The following SRCAP variants were observed in gnomAD, a reference collection of about 807,000 sequenced individuals.
SRCAP encodes the protein chromatin remodeling protein SRCAP.
Under a neutral mutation model 263.1 loss-of-function variants are expected in SRCAP, and 46 were observed. The observed-to-expected ratio is 0.17, with a 90% confidence interval of 0.14 to 0.22. The LOEUF is 0.22. SRCAP is among the 10% of genes least tolerant of loss of function. The pLI is 1.00. For synonymous variants in SRCAP, 1,813 were observed against 1,662.1 expected, an observed-to-expected ratio of 1.09 and a Z score of -2.21; for missense variants, 3,695 against 4,181.9, an observed-to-expected ratio of 0.88 and a Z score of 3.21.
chr16:30,711,872 A>G lies in SRCAP; in HGVS notation c.1530A>G (p.Glu510=). Residue 510 remains glutamate, a synonymous_variant, in exon 12 of 34, where the codon GAA becomes GAG. Transcript: ENST00000262518. ...ACCGGAGTGAGGATGAGGAAGATGA[A>G]CATTCAGAGGAGGAAGAAACAAGTG... ...VEDRSEDEED[E]HSEEEETSGS... 6.2e-7 allele frequency: 1 copy of G among 1,613,860 alleles called. No homozygotes were observed. The highest frequency in any genetic ancestry group is 8.5e-7 in the Non-Finnish European group (1 of 1,180,008).
At chr16:30,707,008 TCC>T (rs36003625) in intron 4 of SRCAP, among the ~76,000 whole-genome samples, 173 bp from the exon 5 acceptor site, 1 of 152,320 alleles carries the variant, frequency 6.6e-6, no homozygotes, top group South Asian at 2.1e-4. Context: ...CTTCTTCATC[TCC>T]CTGATCTTTT....
chr16:30,703,301 C>T (rs1030373640), intron 3 of SRCAP, among the ~76,000 whole-genome samples: 4 of 151,392 alleles, frequency 2.6e-5, no homozygotes, highest in African/African-American at 9.7e-5. Flanking sequence ...TCAAGCGATT[C>T]TCGTGCCTCA....
At chr16:30,730,685 C>T (rs1205466432) in intron 27 of SRCAP, among the ~76,000 whole-genome samples, 1 of 151,490 alleles carries the variant, frequency 6.6e-6, no homozygotes, top group Admixed American at 6.6e-5. Flanking sequence ...CCACCTTGGC[C>T]TCCCAAAGTG....
At chr16:30,734,655 C>A (rs62057184) in intron 31 of SRCAP, 40 bp downstream of exon 31, 1 of 1,612,738 alleles carries the variant, frequency 6.2e-7, no homozygotes, top group Middle Eastern at 1.7e-4. Context: ...TGAGCTGATT[C>A]TTACAGAATA....
At chr16:30,734,168 C>A (rs1321970615) in intron 30 of SRCAP, 160 bp downstream of exon 30, 46 of 687,776 alleles carry the variant, frequency 6.7e-5, no homozygotes, top group Non-Finnish European at 8.9e-5. Flanking sequence ...CATGATGAAA[C>A]CCTGTCTCTA....
Position 30,734,003 on chromosome 16 carries a change from A to C in SRCAP, c.6604A>C (p.Lys2202Gln). 6.2e-7 allele frequency: 1 copy of C among 1,605,592 alleles called. No individual in the cohort carries two copies. The highest frequency in any genetic ancestry group is 2.2e-5 in the East Asian group (1 of 44,486). The change falls in exon 30 of 34, where the codon AAA becomes CAA. Residue 2202 changes from lysine to glutamine, a missense_variant. Physicochemically the swap from Lys to Gln is moderately conservative, Grantham distance 53 (BLOSUM62 1). Around this residue, in one of 12 missense-constraint regions of SRCAP, gnomAD observed 138 missense variants for 254.9 expected, o/e 0.54. Coordinates refer to ENST00000262518, the MANE Select transcript of SRCAP (RefSeq NM_006662.3). ...AGGCAACTTCACCACAGCCTATTTC[A>C]AACAGGTACTAAGTAAGATCTTTTA... ...EGGNFTTAYF[K>Q]QQTIRELFDM... is the part of the protein sequence containing the mutation.
chr16:30,735,425 C>T (rs1427976108), intron 31 of SRCAP, among the ~76,000 whole-genome samples: 3 of 151,478 alleles, frequency 2.0e-5, no homozygotes, highest in African/African-American at 4.9e-5. Flanking sequence ...GGATTACAGG[C>T]GTGAGCCACC....
chr16:30,735,339 G>C (rs2053150426), intron 31 of SRCAP, among the ~76,000 whole-genome samples: 1 of 150,490 alleles, frequency 6.6e-6, no homozygotes, highest in African/African-American at 2.4e-5. Flanking sequence ...GTAGAGACAG[G>C]GTTTCACCGT....
In SRCAP at chr16:30,738,058, C is replaced by T. The variant is rs775633415; in HGVS notation, c.8018C>T (p.Thr2673Ile). The T allele has an allele frequency of 2.2e-5, 35 of 1,614,038 alleles. No individual in the cohort carries two copies. Among genetic ancestry groups the T allele is most frequent in the South Asian group, 9.9e-5 (9 of 91,090 alleles). ...CAGGAGCCACTGGAGGCTGACAGGA[C>T]CTCGGAAGAGCTGACAGAGGCCAAG... ...PLQEPLEADR[T>I]SEELTEAKTP... The change falls in exon 34 of 34, where the codon ACC becomes ATC. Residue 2673 changes from threonine to isoleucine, a missense_variant. By Grantham distance (89) the Thr-to-Ile change is moderately conservative (BLOSUM62 -1). Around this residue, in one of 12 missense-constraint regions of SRCAP, gnomAD observed 1,207 missense variants for 1,142.9 expected, o/e 1.06. Transcript: ENST00000262518.
In SRCAP at chr16:30,733,558, G is replaced by A; in HGVS notation, c.6298-44G>A. ...CACTAAGCCTTTAGACCTGTTTTGG[G>A]GGATAAGTCTCCCAGTATCATCTTT... On this transcript the variant is annotated intron_variant, in intron 28 of 33. Transcript: ENST00000262518. This position sits in a 1 kb window ranked among gnomAD's most constrained non-coding sequence, Gnocchi z 5.3. 1.2e-6 allele frequency: 2 copies of A among 1,603,202 alleles called. No homozygotes were observed. Among genetic ancestry groups the A allele is most frequent in the Non-Finnish European group, 1.7e-6 (2 of 1,172,942 alleles).
intron 4 of SRCAP, among the ~76,000 whole-genome samples, chr16:30,704,775 A>G (rs1370492014): frequency 1.3e-5 from 2 of 152,140 alleles, no homozygotes; most frequent in Non-Finnish European, 2.9e-5. Flanking sequence ...CCAGGAGGTC[A>G]GGGCTGCAGT....
rs548413892 is a variant in SRCAP, at chr16:30,728,839, A to G, written c.5659-127A>G. On this transcript the variant is annotated intron_variant, in intron 25 of 33. Transcript: ENST00000262518. ...GTTCTCATTGATAACTTGGAAAACTACAAAAAGCATAGTGTATTTTTGGAT... is the reference window on the plus strand; with the variant it reads ...GTTCTCATTGATAACTTGGAAAACTGCAAAAAGCATAGTGTATTTTTGGAT... 30 of 1,174,228 alleles carry G rather than the reference A, an allele frequency of 2.6e-5. No homozygotes were observed. The South Asian group carries it at 5.2e-4, about 20-fold the overall frequency. The allele number at this position is 1,174,228 out of a possible 1,614,324, so 72.7% of individuals were successfully genotyped here. A position where few individuals can be genotyped will look rare whatever the true frequency, so the allele number is the denominator to read the frequency against.
Position 30,723,135 on chromosome 16 carries a change from A to G in SRCAP, c.4065A>G (p.Thr1355=). 1 of 1,613,796 alleles carries G rather than the reference A, an allele frequency of 6.2e-7. No homozygotes were observed. The highest frequency in any genetic ancestry group is 1.3e-5 in the African/African-American group (1 of 74,906). Residue 1355 remains threonine (T), a synonymous_variant, in exon 24 of 34, where the codon ACA becomes ACG. Transcript: ENST00000262518. ...CGTTAACCCCTGGCCGGCTACCCACACCTACTCTGGGTACTGCTCGAGCCC... is the reference window on the plus strand; with the variant it reads ...CGTTAACCCCTGGCCGGCTACCCACGCCTACTCTGGGTACTGCTCGAGCCC... ...RPTLTPGRLP[T]PTLGTARAPM...
Position 30,738,825 on chromosome 16 carries a change from C to A in SRCAP, c.8785C>A (p.Pro2929Thr), listed in dbSNP as rs755489013. The A allele has an allele frequency of 2.9e-5, 46 of 1,613,982 alleles. 1 individual carries two copies. The highest frequency in any genetic ancestry group is 3.3e-5 in the Non-Finnish European group (39 of 1,180,006). Reference protein sequence around the residue: ...LGPQPVHRPNPLLSPVEKRRR... With the variant: ...LGPQPVHRPNTLLSPVEKRRR... ...ACCCCAGCCAGTTCACAGACCCAATCCCCTCCTGTCACCTGTGGAGAAAAG... is the reference window on the plus strand; with the variant it reads ...ACCCCAGCCAGTTCACAGACCCAATACCCTCCTGTCACCTGTGGAGAAAAG... Residue 2929 changes from proline (P) to threonine (T), a missense_variant, in exon 34 of 34, where the codon CCC (proline) becomes ACC (threonine). Physicochemically the swap from Pro to Thr is conservative, Grantham distance 38. Coordinates refer to ENST00000262518, the MANE Select transcript of SRCAP (RefSeq NM_006662.3).
Position 30,739,278 on chromosome 16 carries a change from A to G in SRCAP, c.9238A>G (p.Lys3080Glu). The G allele has an allele frequency of 6.2e-7, 1 of 1,614,076 alleles. No homozygotes were observed. The highest frequency in any genetic ancestry group is 1.1e-5 in the South Asian group (1 of 91,084). ...RLEAEGMRGR[K>E]SGGSMVVAVI... ...TGAAGCAGAAGGAATGCGAGGACGG[A>G]AGAGTGGAGGGTCCATGGTGGTGGC... Residue 3080 changes from lysine (K) to glutamate (E), a missense_variant, in exon 34 of 34, where the codon AAG (lysine) becomes GAG (glutamate). Physicochemically the swap from Lys to Glu is moderately conservative, Grantham distance 56. Coordinates refer to ENST00000262518, the MANE Select transcript of SRCAP (RefSeq NM_006662.3).
In SRCAP at chr16:30,739,487, T is replaced by C. The variant is rs1318202476; in HGVS notation, c.9447T>C (p.Pro3149=). ...KRAGAPVGGS[P]GLAKRGRLQP... ...CAGGGGCCCCAGTTGGTGGGAGTCC[T>C]GGGCTGGCAAAGCGGGGCCGCCTAC... Residue 3149 remains proline (P), a synonymous_variant, in exon 34 of 34, where the codon CCT becomes CCC. Coordinates refer to ENST00000262518, the MANE Select transcript of SRCAP (RefSeq NM_006662.3). 10 of 1,613,884 alleles carry C rather than the reference T, an allele frequency of 6.2e-6. No individual in the cohort carries two copies. Among genetic ancestry groups the C allele is most frequent in the Non-Finnish European group, 7.6e-6 (9 of 1,179,958 alleles).
At chr16:30,710,459 C>G (rs2052875714) in intron 8 of SRCAP, 1 of 709,106 alleles carries the variant, frequency 1.4e-6, no homozygotes, top group Non-Finnish European at 2.6e-6. Flanking sequence ...TGGAAGCTGG[C>G]ATGGTACCCT....
rs772967091 is a variant in SRCAP, at chr16:30,737,724, G to C, written c.7684G>C (p.Glu2562Gln). ...ELCAQALASP[E>Q]SLELASVASS... ...GTGTGCCCAGGCATTGGCATCTCCA[G>C]AGTCCCTGGAGCTGGCTTCTGTGGC... is the stretch of plus-strand genomic sequence containing the variant. Residue 2562 changes from glutamate (E) to glutamine (Q), a missense_variant, in exon 34 of 34, where the codon GAG becomes CAG. Coordinates refer to ENST00000262518, the MANE Select transcript of SRCAP (RefSeq NM_006662.3). 1.2e-6 allele frequency: 2 copies of C among 1,614,188 alleles called. No individual in the cohort carries two copies. Among genetic ancestry groups the C allele is most frequent in the African/African-American group, 1.3e-5 (1 of 75,056 alleles).
rs371418984 is a variant in SRCAP, at chr16:30,739,507, G to A, written c.9467G>A (p.Arg3156His). ...GGSPGLAKRGRLQPPSPLGPE... is the reference protein window; with the variant it reads ...GGSPGLAKRGHLQPPSPLGPE... ...AGTCCTGGGCTGGCAAAGCGGGGCC[G>A]CCTACAGCCCCCAAGTCCCCTGGGG... The change falls in exon 34 of 34, where the codon CGC becomes CAC. Residue 3156 changes from arginine to histidine, a missense_variant. This residue lies in a region of SRCAP where 1,207 missense variants were observed against 1,142.9 expected (regional missense o/e 1.06). Coordinates refer to ENST00000262518, the MANE Select transcript of SRCAP (RefSeq NM_006662.3). 3.0e-5 allele frequency: 48 copies of A among 1,613,046 alleles called. No homozygotes were observed. Among genetic ancestry groups the A allele is most frequent in the South Asian group, 5.5e-5 (5 of 90,990 alleles).
Sources: gnomAD v4.1 joint callset for allele counts (sites outside exome capture counted in the v4.1 genomes callset) on GRCh38, gnomAD v4.1.1 for gene constraint, gnomAD v4.1.1 regional missense constraint, Gnocchi (gnomAD v3.1) non-coding constraint, MANE v1.5 for transcripts, NCBI Gene and HGNC (gene_info 2026-07-23, HGNC 2026-07-21) for gene names.